HS6ST3: variants seen among roughly 807,000 people sequenced by gnomAD.
HS6ST3 encodes heparan sulfate 6-O-sulfotransferase 3.
A neutral mutation model predicts 36.7 loss-of-function variants in HS6ST3; 12 were observed. The ratio of observed to expected loss-of-function variants is 0.33; its 90% CI spans 0.21 to 0.53. HS6ST3 has a LOEUF of 0.53. Ranked by LOEUF, HS6ST3 falls within the 20% of genes least tolerant of loss-of-function variation. The probability of loss-of-function intolerance (pLI) is 0.95; values close to 1 mark genes in which losing one functional copy is unlikely to be tolerated. For synonymous variants in HS6ST3, 240 were observed against 257.5 expected (o/e 0.93, Z 0.65); for missense variants, 584 against 640.9 (o/e 0.91, Z 0.96).
intron 1 of HS6ST3, among the ~76,000 whole-genome samples, chr13:96,116,677 G>A (rs79006538): frequency 5.6e-4 from 86 of 152,314 alleles, no homozygotes; most frequent in Admixed American, 4.6e-4. Flanking sequence ...ATACCTGATA[G>A]TTCACTCATT....
chr13:96,185,507 C>T (rs2054260909), intron 1 of HS6ST3, among the ~76,000 whole-genome samples: 1 of 152,174 alleles, frequency 6.6e-6, no homozygotes, highest in South Asian at 2.1e-4. Flanking sequence ...ACAATGCTGC[C>T]TCCTCACTGT....
chr13:96,148,878 A>T (rs1319580999), intron 1 of HS6ST3, among the ~76,000 whole-genome samples: 1 of 152,190 alleles, frequency 6.6e-6, no homozygotes, highest in Admixed American at 6.5e-5. Flanking sequence ...ACCAGGAAAC[A>T]TATGGTGACT....
intron 1 of HS6ST3, among the ~76,000 whole-genome samples, chr13:96,644,867 T>C (rs1404687471): frequency 6.6e-6 from 1 of 152,024 alleles, no homozygotes; most frequent in Non-Finnish European, 1.5e-5. Flanking sequence ...TATGGATCTT[T>C]CTGCAGGAAT....
intron 1 of HS6ST3, among the ~76,000 whole-genome samples, chr13:96,807,982 C>G (rs531158161): frequency 6.6e-6 from 1 of 152,124 alleles, no homozygotes; most frequent in South Asian, 2.1e-4. Context: ...ACTGGTAGAT[C>G]AGATGACTGA....
chr13:96,457,518 GGTACTA>G (rs1447382888), intron 1 of HS6ST3, among the ~76,000 whole-genome samples: 1 of 152,006 alleles, frequency 6.6e-6, no homozygotes, highest in Non-Finnish European at 1.5e-5. Context: ...TTATTGTATA[GGTACTA>G]GACATTTTAA....
At chr13:96,624,835 A>G (rs1384312745) in intron 1 of HS6ST3, among the ~76,000 whole-genome samples, 1 of 152,168 alleles carries the variant, frequency 6.6e-6, no homozygotes, top group Non-Finnish European at 1.5e-5. Flanking sequence ...AATATAACAC[A>G]ATTTTTGATT....
At chr13:96,620,431 C>T (rs1209471685) in intron 1 of HS6ST3, among the ~76,000 whole-genome samples, 1 of 152,108 alleles carries the variant, frequency 6.6e-6, no homozygotes, top group Admixed American at 6.6e-5. Flanking sequence ...TGTGATTTTC[C>T]TCAATGTGCA....
At chr13:96,805,790 C>G (rs1878184908) in intron 1 of HS6ST3, among the ~76,000 whole-genome samples, 1 of 152,096 alleles carries the variant, frequency 6.6e-6, no homozygotes, top group Admixed American at 6.6e-5. Context: ...AATTTAGTGA[C>G]CAATATCCCC....
intron 1 of HS6ST3, among the ~76,000 whole-genome samples, chr13:96,382,912 TATATC>T (rs1161599717): frequency 1.3e-5 from 2 of 152,226 alleles, no homozygotes; most frequent in Non-Finnish European, 2.9e-5. Flanking sequence ...AGTGAATACT[TATATC>T]AAAGAGAAAA....
At chr13:96,134,840 C>T (rs1481832500) in intron 1 of HS6ST3, among the ~76,000 whole-genome samples, 1 of 152,152 alleles carries the variant, frequency 6.6e-6, no homozygotes, top group Non-Finnish European at 1.5e-5. Flanking sequence ...GCATGTGACA[C>T]ATTTTTGATC....
chr13:96,676,488 CAT>C (rs1268034507), intron 1 of HS6ST3, among the ~76,000 whole-genome samples: 1 of 152,104 alleles, frequency 6.6e-6, no homozygotes, highest in Non-Finnish European at 1.5e-5. Context: ...AGTAAAGAAA[CAT>C]ATATTTACTG....
intron 1 of HS6ST3, among the ~76,000 whole-genome samples, chr13:96,805,446 T>G (rs1391194147): frequency 2.6e-5 from 4 of 152,194 alleles, no homozygotes; most frequent in Non-Finnish European, 4.4e-5. Flanking sequence ...CAATTAAACC[T>G]CTCTTCTTTA....
Position 96,282,631 on chromosome 13 carries a change from T to C in HS6ST3, c.707+191062T>C, listed in dbSNP as rs547682996. On this transcript the variant is annotated intron_variant, in intron 1 of 1. Coordinates refer to ENST00000376705, the MANE Select transcript of HS6ST3 (RefSeq NM_153456.4). ...TAGTTTATTCTATTTCTAAATACAA[T>C]ATTTAGTTTCTTCTCCACCCTCTCA... is the stretch of plus-strand genomic sequence containing the variant. Among the ~76,000 whole-genome samples the C allele has an allele frequency of 7.9e-5, 12 of 152,320 alleles. No individual in the cohort carries two copies. The South Asian group carries it at 1.9e-3, about 24-fold the overall frequency.
chr13:96,140,272 A>G (rs865885946), intron 1 of HS6ST3, among the ~76,000 whole-genome samples: 1 of 152,322 alleles, frequency 6.6e-6, no homozygotes, highest in Middle Eastern at 3.4e-3. Context: ...TATATATTGT[A>G]TTACTGTAAT....
rs528949581 is a variant in HS6ST3, at chr13:96,824,975, G to T, written c.708-7515G>T. Among the ~76,000 whole-genome samples, 3 of 152,304 alleles carry T rather than the reference G, an allele frequency of 2.0e-5. 1 individual carries two copies. The highest frequency in any genetic ancestry group is 7.2e-5 in the African/African-American group (3 of 41,564). The stretch of plus-strand genomic sequence containing the variant: ...TGTAAAGCCTGTATAAGTCAGACTG[G>T]TCGCTAGAATAAAGATAGTGCATGA... On this transcript the variant is annotated intron_variant, in intron 1 of 1. Coordinates refer to ENST00000376705, the MANE Select transcript of HS6ST3 (RefSeq NM_153456.4).
chr13:96,375,966 G>A (rs1471081590), intron 1 of HS6ST3, among the ~76,000 whole-genome samples: 1 of 152,088 alleles, frequency 6.6e-6, no homozygotes. Flanking sequence ...TGTCTTCAGT[G>A]TTTTGAGTTC....
intron 1 of HS6ST3, among the ~76,000 whole-genome samples, chr13:96,748,699 T>C (rs1876623664): frequency 6.6e-6 from 1 of 152,130 alleles, no homozygotes; most frequent in Admixed American, 6.6e-5. Flanking sequence ...CTTGAGTGCT[T>C]GAAGTCACTT....
intron 1 of HS6ST3, among the ~76,000 whole-genome samples, chr13:96,391,963 T>G (rs766485661): frequency 6.6e-6 from 1 of 152,246 alleles, no homozygotes; most frequent in Admixed American, 6.5e-5. Flanking sequence ...ATGTGAATCA[T>G]GTCTGTAACT....
chr13:96,122,673 G>T (rs1458314773), intron 1 of HS6ST3, among the ~76,000 whole-genome samples: 2 of 152,176 alleles, frequency 1.3e-5, no homozygotes, highest in Non-Finnish European at 2.9e-5. Context: ...TAGTATACAA[G>T]TGGGGTGACT....
Sources: gnomAD v4.1 joint callset for allele counts (sites outside exome capture counted in the v4.1 genomes callset) on GRCh38, gnomAD v4.1.1 for gene constraint, MANE v1.5 for transcripts, NCBI Gene and HGNC (gene_info 2026-07-23, HGNC 2026-07-21) for gene names.